PIBF1: variants seen among roughly 807,000 people sequenced by gnomAD.
The protein encoded by PIBF1 is progesterone immunomodulatory binding factor 1.
Under a neutral mutation model 112.5 loss-of-function variants are expected in PIBF1, and 90 were observed. The observed-to-expected ratio is 0.80, with a 90% CI of 0.67 to 0.95. The LOEUF (loss-of-function observed/expected upper bound fraction) is 0.95, where lower values mean the gene tolerates loss of function less well. Ranked by LOEUF, PIBF1 falls within the 40% of genes least tolerant of loss-of-function variation. The pLI, the probability that PIBF1 is intolerant of heterozygous loss-of-function variation, is 0.00. For missense variants in PIBF1, 915 were observed against 852.3 expected (o/e 1.07, Z -0.92); for synonymous variants, 301 against 288.6 (o/e 1.04, Z -0.44).
chr13:72,989,715 CTG>C (rs2043410747), intron 16 of PIBF1, among the ~76,000 whole-genome samples: 2 of 152,072 alleles, frequency 1.3e-5, no homozygotes, highest in African/African-American at 2.4e-5. Flanking sequence ...TTGCATGTGT[CTG>C]TGAATATACT....
chr13:72,792,115 G>A (rs2034962269), intron 2 of PIBF1, among the ~76,000 whole-genome samples: 1 of 151,892 alleles, frequency 6.6e-6, no homozygotes, highest in African/African-American at 2.4e-5. Flanking sequence ...GACCAACATG[G>A]TGAAACCCTG....
intron 8 of PIBF1, among the ~76,000 whole-genome samples, chr13:72,833,963 T>G (rs187171835): frequency 7.2e-5 from 11 of 152,348 alleles, no homozygotes; most frequent in African/African-American, 2.6e-4. Flanking sequence ...ACTGTGGTTT[T>G]TTTCAGCAAT....
At chr13:72,991,458 G>A (rs1292642149) in intron 16 of PIBF1, among the ~76,000 whole-genome samples, 1 of 152,100 alleles carries the variant, frequency 6.6e-6, no homozygotes, top group Admixed American at 6.5e-5. Flanking sequence ...TTAATGAATG[G>A]TTCGTTCATT....
At chr13:72,836,540 C>T (rs896068535) in intron 9 of PIBF1, among the ~76,000 whole-genome samples, 1 of 152,076 alleles carries the variant, frequency 6.6e-6, no homozygotes, top group African/African-American at 2.4e-5. Context: ...ACTATAAAAA[C>T]TATATATGTA....
intron 17 of PIBF1, among the ~76,000 whole-genome samples, chr13:73,005,119 G>C (rs1379634958): frequency 1.3e-5 from 2 of 152,142 alleles, no homozygotes; most frequent in Non-Finnish European, 2.9e-5. Flanking sequence ...AGGTTGTGAT[G>C]AGCCGAGATC....
intron 9 of PIBF1, among the ~76,000 whole-genome samples, chr13:72,844,834 C>G (rs2037796550): frequency 7.1e-6 from 1 of 140,740 alleles, no homozygotes; most frequent in Non-Finnish European, 1.6e-5. Flanking sequence ...CAGGCTGGGT[C>G]TTGAACTCCT....
intron 9 of PIBF1, chr13:72,836,111 GAAAA>G: frequency 2.3e-6 from 1 of 442,418 alleles, no homozygotes; most frequent in South Asian, 1.6e-5. Flanking sequence ...AAAAAAAAAA[GAAAA>G]AAGAAATATC....
chr13:72,813,215 T>C (rs1405073800), intron 5 of PIBF1, among the ~76,000 whole-genome samples: 1 of 152,198 alleles, frequency 6.6e-6, no homozygotes, highest in Non-Finnish European at 1.5e-5. Context: ...CTGAATAGAA[T>C]AAGCATTGCT....
At chr13:72,803,299 G>T (rs1468231545) in intron 5 of PIBF1, among the ~76,000 whole-genome samples, 1 of 149,362 alleles carries the variant, frequency 6.7e-6, no homozygotes, top group African/African-American at 2.5e-5. Flanking sequence ...GACAGCTGTT[G>T]TATTTAAAAT....
chr13:72,866,421 A>T (rs1335284554), intron 10 of PIBF1, among the ~76,000 whole-genome samples: 2 of 152,166 alleles, frequency 1.3e-5, no homozygotes, highest in African/African-American at 4.8e-5. Context: ...GAAATGATTT[A>T]ACTAAAATTT....
intron 5 of PIBF1, among the ~76,000 whole-genome samples, chr13:72,802,441 G>C (rs1196433893): frequency 6.6e-6 from 1 of 152,122 alleles, no homozygotes; most frequent in Non-Finnish European, 1.5e-5. Flanking sequence ...TTGTGTTTCA[G>C]ATCTAGATGG....
chr13:72,955,938 C>G (rs1346350061), intron 14 of PIBF1, among the ~76,000 whole-genome samples: 2 of 152,192 alleles, frequency 1.3e-5, no homozygotes, highest in African/African-American at 4.8e-5. Flanking sequence ...CACCATCTCT[C>G]TAGATTGCTT....
chr13:72,846,273 G>A (rs1221988918), intron 9 of PIBF1, among the ~76,000 whole-genome samples: 1 of 152,068 alleles, frequency 6.6e-6, no homozygotes, highest in Non-Finnish European at 1.5e-5. Flanking sequence ...CCAAAAACCT[G>A]AAGTCATCTT....
intron 10 of PIBF1, among the ~76,000 whole-genome samples, chr13:72,872,206 T>C (rs2039196027): frequency 6.6e-6 from 1 of 152,192 alleles, no homozygotes; most frequent in African/African-American, 2.4e-5. Flanking sequence ...GTGTTAAATA[T>C]TAGCTATTGT....
intron 10 of PIBF1, among the ~76,000 whole-genome samples, chr13:72,874,979 A>G (rs1044449920): frequency 4.6e-5 from 7 of 152,190 alleles, no homozygotes; most frequent in South Asian, 4.1e-4. Context: ...TGGTCCGGCT[A>G]CTTTTTAATA....
rs117723888 is a variant in PIBF1, at chr13:72,880,168, G to A, written c.1323-13616G>A. The stretch of plus-strand genomic sequence containing the variant: ...TCTTTCCCATGCATCTCTTTAGCAG[G>A]GTAGGAAAATTATGACTTTGAACGG... On this transcript the variant is annotated intron_variant, in intron 10 of 17. Transcript: ENST00000326291. Among the ~76,000 whole-genome samples the A allele has an allele frequency of 9.4e-4, 143 of 152,234 alleles. No individual in the cohort carries two copies. The Middle Eastern group carries it at 0.014, about 14-fold the overall frequency.
At chr13:72,856,281 T>C (rs1339698800) in intron 10 of PIBF1, among the ~76,000 whole-genome samples, 1 of 152,200 alleles carries the variant, frequency 6.6e-6, no homozygotes, top group African/African-American at 2.4e-5. Context: ...TAACTGAATT[T>C]TGTTCTTCAC....
At chr13:72,935,494 C>T (rs1022484416) in intron 14 of PIBF1, among the ~76,000 whole-genome samples, 7 of 152,184 alleles carry the variant, frequency 4.6e-5, no homozygotes, top group Non-Finnish European at 5.9e-5. Flanking sequence ...GAATAAAGCT[C>T]AGATGAACAT....
chr13:72,912,881 GTATGATTATACTA>G (rs1308304517), intron 12 of PIBF1, among the ~76,000 whole-genome samples: 1 of 151,126 alleles, frequency 6.6e-6, no homozygotes, highest in Admixed American at 6.6e-5. Flanking sequence ...ATAGTATGTG[GTATGATTATACTA>G]TATGATTATA....
Sources: gnomAD v4.1 joint callset for allele counts (sites outside exome capture counted in the v4.1 genomes callset) on GRCh38, gnomAD v4.1.1 for gene constraint, MANE v1.5 for transcripts, NCBI Gene and HGNC (gene_info 2026-07-23, HGNC 2026-07-21) for gene names.